The following EHBP1 variants were observed in gnomAD, a reference collection of about 807,000 sequenced individuals.
EHBP1 encodes the protein EH domain binding protein 1.
EHBP1 carries 55 observed loss-of-function variants against 144.0 expected under a neutral mutation model. That is an observed-to-expected ratio of 0.38 (90% CI 0.31 to 0.48). EHBP1 has a LOEUF of 0.48. EHBP1 is among the 20% of genes least tolerant of loss of function. The probability of loss-of-function intolerance (pLI) is 0.98; values close to 1 mark genes in which losing one functional copy is unlikely to be tolerated. For missense variants in EHBP1, 1,200 were observed against 1,364.2 expected (o/e 0.88, Z 1.90); for synonymous variants, 469 against 472.7 (o/e 0.99, Z 0.10).
At chr2:62,771,163 A>G (rs1313648759) in intron 4 of EHBP1, among the ~76,000 whole-genome samples, 176 bp from the exon 5 acceptor site, 1 of 152,210 alleles carries the variant, frequency 6.6e-6, no homozygotes, top group Admixed American at 6.5e-5. Flanking sequence ...AACCTAAAAT[A>G]TAAGTTAGAA....
intron 1 of EHBP1, among the ~76,000 whole-genome samples, chr2:62,690,522 C>T (rs2033871231): frequency 6.6e-6 from 1 of 152,062 alleles, no homozygotes; most frequent in Non-Finnish European, 1.5e-5. Flanking sequence ...GAGATCATGC[C>T]ACTGCACTCC....
chr2:62,831,245 T>G, intron 7 of EHBP1, 87 bp downstream of exon 7: 2 of 1,313,190 alleles, frequency 1.5e-6, no homozygotes, highest in Non-Finnish European at 2.1e-6. Context: ...AAAACAATTC[T>G]ACTTATTGGG....
chr2:62,829,637 A>C (rs2046646733), intron 6 of EHBP1, among the ~76,000 whole-genome samples: 1 of 146,778 alleles, frequency 6.8e-6, no homozygotes, highest in Admixed American at 6.9e-5. Context: ...ATAATACATA[A>C]TACTACTATA....
At chr2:62,731,550 T>G (rs2037603403) in intron 2 of EHBP1, among the ~76,000 whole-genome samples, 1 of 152,186 alleles carries the variant, frequency 6.6e-6, no homozygotes, top group Non-Finnish European at 1.5e-5. Context: ...TTGGTAGACG[T>G]TCTTTATCAA....
chr2:62,927,931 C>G (rs2055659992), intron 10 of EHBP1, among the ~76,000 whole-genome samples: 1 of 151,796 alleles, frequency 6.6e-6, no homozygotes, highest in African/African-American at 2.4e-5. Flanking sequence ...AGTTAGAAAT[C>G]AATAACAGAT....
At chr2:62,813,602 G>T (rs905537660) in intron 5 of EHBP1, among the ~76,000 whole-genome samples, 1 of 152,210 alleles carries the variant, frequency 6.6e-6, no homozygotes, top group Non-Finnish European at 1.5e-5. Context: ...ACACATGAGA[G>T]CTGCTGGGTG....
chr2:62,787,398 C>T (rs1362355615), intron 5 of EHBP1, among the ~76,000 whole-genome samples: 5 of 111,546 alleles, frequency 4.5e-5, no homozygotes, highest in African/African-American at 1.3e-4. Context: ...ACCGCTGCCC[C>T]CCCCCCCCAC....
At chr2:62,966,277 A>AT (rs201875669) in intron 14 of EHBP1, among the ~76,000 whole-genome samples, 2,931 of 152,184 alleles carry the variant, frequency 0.019, 46 homozygotes, top group Non-Finnish European at 0.026. Context: ...GAATAGTTAG[A>AT]TTTTTTCCCC....
At chr2:62,968,224 A>G (rs1288980322) in intron 14 of EHBP1, among the ~76,000 whole-genome samples, 2 of 152,188 alleles carry the variant, frequency 1.3e-5, no homozygotes, top group East Asian at 1.9e-4. Context: ...TATGACTTAC[A>G]TAGAAGTTAC....
intron 15 of EHBP1, among the ~76,000 whole-genome samples, chr2:62,984,085 C>G (rs1437495294): frequency 6.6e-6 from 1 of 152,024 alleles, no homozygotes; most frequent in East Asian, 1.9e-4. Context: ...TGTAGAATAA[C>G]TTCAAAAATA....
intron 10 of EHBP1, among the ~76,000 whole-genome samples, chr2:62,907,779 G>C (rs1363431967): frequency 6.6e-6 from 1 of 152,180 alleles, no homozygotes; most frequent in African/African-American, 2.4e-5. Context: ...GAGTGTATTT[G>C]ATATCTGTCT....
chr2:62,728,592 C>T (rs1234497028), intron 2 of EHBP1, among the ~76,000 whole-genome samples: 1 of 151,564 alleles, frequency 6.6e-6, no homozygotes, highest in Non-Finnish European at 1.5e-5. Flanking sequence ...TTAATTGGAT[C>T]GTTTCCTTTT....
In EHBP1 at chr2:62,780,202, T is replaced by A. The variant is rs1406437332; in HGVS notation, c.312+8810T>A. On this transcript the variant is annotated intron_variant, in intron 5 of 22. Coordinates refer to ENST00000431489, the MANE Select transcript of EHBP1 (RefSeq NM_001142616.3). ...TCTTGTTTCTACAAAGAAAAAAAAATTGACTATATAAGAAGCAACAAAGCT... is the reference window on the plus strand; with the variant it reads ...TCTTGTTTCTACAAAGAAAAAAAAAATGACTATATAAGAAGCAACAAAGCT... Among the ~76,000 whole-genome samples the A allele has an allele frequency of 2.6e-5, 4 of 152,002 alleles. No individual in the cohort carries two copies. In the South Asian group the frequency reaches 8.3e-4, roughly 32 times the overall value.
Position 63,045,655 on chromosome 2 carries a change from C to G in EHBP1, c.*155C>G. ...TTTACCACCACCACCCTTTTCCTCC[C>G]TCCTTTCCAAATAATATACAGAACT... On this transcript the variant is annotated 3_prime_UTR_variant, in exon 23 of 23. Transcript: ENST00000431489. This position sits in a 1 kb window ranked among gnomAD's most constrained non-coding sequence, Gnocchi z 5.7. 1 of 612,804 alleles carries G rather than the reference C, an allele frequency of 1.6e-6. No individual in the cohort carries two copies. Among genetic ancestry groups the G allele is most frequent in the Non-Finnish European group, 2.9e-6 (1 of 348,570 alleles). The allele number at this position is 612,804 out of a possible 1,614,324, so 38.0% of individuals were successfully genotyped here.
chr2:62,824,385 T>C (rs939630631), intron 5 of EHBP1, among the ~76,000 whole-genome samples: 13 of 152,012 alleles, frequency 8.6e-5, no homozygotes, highest in Non-Finnish European at 1.9e-4. Context: ...TTGTTAGCTA[T>C]TCTAAAGGTA....
intron 2 of EHBP1, among the ~76,000 whole-genome samples, chr2:62,745,826 T>G (rs2039098993): frequency 6.6e-6 from 1 of 152,060 alleles, no homozygotes; most frequent in African/African-American, 2.4e-5. Context: ...AAGAACTTTT[T>G]AAAAGAGTTT....
chr2:62,814,720 A>G (rs1478737243), intron 5 of EHBP1, among the ~76,000 whole-genome samples: 1 of 152,226 alleles, frequency 6.6e-6, no homozygotes, highest in Non-Finnish European at 1.5e-5. Context: ...CAGACAAAAC[A>G]ACAAAGGCAT....
At chr2:63,010,789 G>A (rs1022702131) in intron 19 of EHBP1, among the ~76,000 whole-genome samples, 15 of 151,558 alleles carry the variant, frequency 9.9e-5, no homozygotes, top group South Asian at 2.1e-4. Context: ...AACATTATAC[G>A]TTCATTCCAA....
chr2:62,735,417 C>T (rs1446745750), intron 2 of EHBP1, among the ~76,000 whole-genome samples: 2 of 151,962 alleles, frequency 1.3e-5, no homozygotes, highest in Non-Finnish European at 2.9e-5. Context: ...ATTCTTCTCT[C>T]CTGTCACTTG....
Sources: gnomAD v4.1 joint callset for allele counts (sites outside exome capture counted in the v4.1 genomes callset) on GRCh38, gnomAD v4.1.1 for gene constraint, Gnocchi (gnomAD v3.1) non-coding constraint, MANE v1.5 for transcripts, NCBI Gene and HGNC (gene_info 2026-07-23, HGNC 2026-07-21) for gene names.